Variants in QTGAL observed in about 807,000 individuals in gnomAD.
The protein encoded by QTGAL is queuosine-tRNA galactosyltransferase.
At chr17:82,998,752 G>C in the QTGAL span, among the ~76,000 whole-genome samples, 1 of 152,084 alleles carries the variant, frequency 6.6e-6, no homozygotes, top group East Asian at 1.9e-4. Context: ...CTTGTGTCTG[G>C]AATATATAAA....
At chr17:82,961,011 GT>G in the QTGAL span, 1 of 1,582,282 alleles carries the variant, frequency 6.3e-7, no homozygotes. Flanking sequence ...CGCCTCCCGT[GT>G]TCCTGGCCTC....
the QTGAL span, among the ~76,000 whole-genome samples, chr17:83,012,524 C>G: frequency 0.015 from 2,297 of 152,340 alleles, 30 homozygotes; most frequent in South Asian, 0.027. Flanking sequence ...ACCTCACATA[C>G]GGACGGCTCA....
At chr17:82,995,997 A>G in the QTGAL span, among the ~76,000 whole-genome samples, 2 of 152,200 alleles carry the variant, frequency 1.3e-5, no homozygotes, top group Non-Finnish European at 2.9e-5. Context: ...TACAACAGTG[A>G]TAACTAAAAT....
the QTGAL span, among the ~76,000 whole-genome samples, chr17:82,986,432 A>C: frequency 6.6e-6 from 1 of 152,230 alleles, no homozygotes; most frequent in Admixed American, 6.5e-5. Flanking sequence ...AATCGCTTTA[A>C]AAGCAGGAAA....
the QTGAL span, among the ~76,000 whole-genome samples, chr17:83,002,354 T>C: frequency 6.6e-6 from 1 of 152,168 alleles, no homozygotes; most frequent in Non-Finnish European, 1.5e-5. Flanking sequence ...CAGAACCAGC[T>C]TGGCAACGCC....
the QTGAL span, chr17:82,961,205 C>A: frequency 6.3e-7 from 1 of 1,599,360 alleles, no homozygotes; most frequent in Non-Finnish European, 8.5e-7. Context: ...GAAGCAGAGG[C>A]ATCACTGGGG....
chr17:83,048,724 A>G, the QTGAL span: 1 of 1,614,200 alleles, frequency 6.2e-7, no homozygotes, highest in South Asian at 1.1e-5. Context: ...GTCCTGTTGC[A>G]AAACAGACCT....
At chr17:83,005,026 G>A in the QTGAL span, 384 of 1,096,960 alleles carry the variant, frequency 3.5e-4, no homozygotes, top group African/African-American at 5.1e-3. This position sits in a 1 kb window ranked among gnomAD's most constrained non-coding sequence, Gnocchi z 5.6. Context: ...CCACGACGAC[G>A]CAGACACAAG....
the QTGAL span, chr17:82,961,388 G>A: frequency 2.1e-6 from 1 of 479,974 alleles, no homozygotes; most frequent in Admixed American, 3.3e-5. Context: ...AGGCGGGAAA[G>A]AGGGGAAGGG....
chr17:83,049,845 T>C, the QTGAL span, among the ~76,000 whole-genome samples: 4 of 151,924 alleles, frequency 2.6e-5, no homozygotes, highest in Non-Finnish European at 5.9e-5. Flanking sequence ...TGGGATGGAG[T>C]AAAACCAGGA....
the QTGAL span, among the ~76,000 whole-genome samples, chr17:83,025,693 A>T: frequency 6.6e-6 from 1 of 151,510 alleles, no homozygotes; most frequent in Admixed American, 6.5e-5. Flanking sequence ...ACACGTAAGA[A>T]GAGCAGAGTC....
the QTGAL span, among the ~76,000 whole-genome samples, chr17:83,042,760 C>T: frequency 0.029 from 4,379 of 152,224 alleles, 214 homozygotes; most frequent in African/African-American, 0.1. Flanking sequence ...TCTGGCAGAA[C>T]GGATCTTGAA....
chr17:82,987,646 C>T, the QTGAL span, among the ~76,000 whole-genome samples: 10 of 152,144 alleles, frequency 6.6e-5, no homozygotes, highest in Non-Finnish European at 1.5e-4. Flanking sequence ...GTTTTTGTAC[C>T]AGTACCATGC....
At chr17:83,011,158 G>A in the QTGAL span, among the ~76,000 whole-genome samples, 1 of 152,250 alleles carries the variant, frequency 6.6e-6, no homozygotes, top group Non-Finnish European at 1.5e-5. Context: ...ACCACAGGGT[G>A]CACAGTGTCA....
chr17:83,043,280 T>C, the QTGAL span, among the ~76,000 whole-genome samples: 1 of 152,230 alleles, frequency 6.6e-6, no homozygotes. Flanking sequence ...CCATAAAATG[T>C]ACCTTAAACA....
chr17:83,018,484 C>G, the QTGAL span, among the ~76,000 whole-genome samples: 1 of 152,190 alleles, frequency 6.6e-6, no homozygotes, highest in Admixed American at 6.5e-5. Flanking sequence ...TTATCACACT[C>G]TTCTATGGCT....
At chr17:83,015,681 C>T in the QTGAL span, among the ~76,000 whole-genome samples, 6 of 152,208 alleles carry the variant, frequency 3.9e-5, no homozygotes, top group African/African-American at 1.2e-4. This position sits in a 1 kb window ranked among gnomAD's most constrained non-coding sequence, Gnocchi z 4.4. Flanking sequence ...GAGTGAGCGG[C>T]GGCCGGGCGA....
At chr17:83,010,972 C>T in the QTGAL span, among the ~76,000 whole-genome samples, 1 of 152,246 alleles carries the variant, frequency 6.6e-6, no homozygotes, top group Non-Finnish European at 1.5e-5. Context: ...AGCACCTGCC[C>T]TCACGGGGCT....
the QTGAL span, among the ~76,000 whole-genome samples, chr17:82,977,329 C>T: frequency 2.0e-5 from 3 of 152,058 alleles, no homozygotes; most frequent in South Asian, 4.1e-4. Context: ...GAGGATGGAA[C>T]CCCATGAACA....
Sources: allele counts gnomAD v4.1 joint callset (sites outside exome capture counted in the v4.1 genomes callset), GRCh38; gene constraint gnomAD v4.1.1; non-coding constraint Gnocchi (gnomAD v3.1); transcripts MANE v1.5; gene names NCBI Gene and HGNC (gene_info 2026-07-23, HGNC 2026-07-21).